The following LIPC variants were observed in gnomAD, a reference collection of about 807,000 sequenced individuals.
The protein encoded by LIPC is hepatic triacylglycerol lipase.
LIPC carries 44 observed loss-of-function variants against 50.7 expected under a neutral mutation model. The ratio of observed to expected loss-of-function variants is 0.87; its 90% CI spans 0.68 to 1.11. LIPC has a LOEUF of 1.11. LIPC is among the 50% of genes most tolerant of loss of function. LIPC has a pLI of 0.00. For missense variants in LIPC, 697 were observed against 648.2 expected (o/e 1.08, Z -0.82); for synonymous variants, 271 against 256.4 (o/e 1.06, Z -0.54).
intron 1 of LIPC, among the ~76,000 whole-genome samples, chr15:58,466,857 C>T (rs751866301): frequency 1.3e-5 from 2 of 152,152 alleles, no homozygotes; most frequent in African/African-American, 2.4e-5. Flanking sequence ...GTAATCACTT[C>T]GTAAAGTTGA....
rs529192472 is a variant in LIPC at position 58,448,701 on chromosome 15, T to C, written c.88+16581T>C. ...ACGCCCAGCAACCCTCAAAGGAAAA[T>C]GCTAGTATTGTCCCCATTTTAAAAA... On this transcript the variant is annotated intron_variant, in intron 1 of 8. Transcript: ENST00000299022. 5.3e-5 allele frequency among the ~76,000 whole-genome samples: 8 copies of C among 152,282 alleles called. No homozygotes were observed. In the East Asian group the frequency reaches 1.5e-3, roughly 29 times the overall value.
chr15:58,463,158 G>A (rs527831917), intron 1 of LIPC, among the ~76,000 whole-genome samples: 22 of 152,358 alleles, frequency 1.4e-4, no homozygotes, highest in African/African-American at 5.1e-4. Flanking sequence ...ACACCTGCAC[G>A]TTGGGATGGT....
chr15:58,543,830 C>T lies in LIPC; in HGVS notation c.574+1179C>T, dbSNP rs1044357555. Among the ~76,000 whole-genome samples, 3 of 152,098 alleles carry T rather than the reference C, an allele frequency of 2.0e-5. No individual in the cohort carries two copies. The East Asian group carries it at 5.8e-4, about 29-fold the overall frequency. On this transcript the variant is annotated intron_variant, in intron 4 of 8. Transcript: ENST00000299022. The stretch of plus-strand genomic sequence containing the variant: ...AGATACGGGGTTTCACCATATTGGT[C>T]AGGCTGGTCTCGAACTCCCAACCTC...
chr15:58,478,389 C>T (rs1891071755), intron 1 of LIPC, among the ~76,000 whole-genome samples: 2 of 152,124 alleles, frequency 1.3e-5, no homozygotes, highest in South Asian at 4.1e-4. Flanking sequence ...CAGGCGCACA[C>T]CACCATACCT....
intron 1 of LIPC, among the ~76,000 whole-genome samples, chr15:58,471,847 C>T (rs955238416): frequency 6.6e-6 from 1 of 152,226 alleles, no homozygotes; most frequent in Non-Finnish European, 1.5e-5. Context: ...AGTCCAGCCA[C>T]GTGCCCTTTC....
In LIPC at chr15:58,516,237, CTTTTTTTTTTT is replaced by C. The variant is rs11351202; in HGVS notation, c.89-22081_89-22071del. On this transcript the variant is annotated intron_variant, in intron 1 of 8. Transcript: ENST00000299022. ...CAGTTTGACTTTTTACCTCTAGCTTCTTTTTTTTTTTTTTTTTTTTTTTTTGGTCACTGGTT... is the reference window on the plus strand; with the variant it reads ...CAGTTTGACTTTTTACCTCTAGCTTCTTTTTTTTTTTTTTGGTCACTGGTT... 6.5e-3 allele frequency among the ~76,000 whole-genome samples: 294 copies of C among 45,214 alleles called. 2 individuals are homozygous for C. The highest frequency in any genetic ancestry group is 0.035 in the Admixed American group (128 of 3,632). The allele number at this position is 45,214 out of a possible 152,430, so 29.7% of individuals were successfully genotyped here. A position where few individuals can be genotyped will look rare whatever the true frequency, so the allele number is the denominator to read the frequency against.
At chr15:58,444,071 T>C (rs1236847381) in intron 1 of LIPC, among the ~76,000 whole-genome samples, 1 of 152,190 alleles carries the variant, frequency 6.6e-6, no homozygotes, top group African/African-American at 2.4e-5. Context: ...TCACAGGGGC[T>C]ACGATGGCTC....
chr15:58,506,967 A>G lies in LIPC; in HGVS notation c.89-31366A>G, dbSNP rs28666382. On this transcript the variant is annotated intron_variant, in intron 1 of 8. Transcript: ENST00000299022. ...CATCCTTCCGCAAATGGTGGCAACA[A>G]GGAGAAATGCCCAGCGAAGGGGTAG... Among the ~76,000 whole-genome samples, 370 of 152,356 alleles carry G rather than the reference A, an allele frequency of 2.4e-3. 3 individuals carry two copies. The highest frequency in any genetic ancestry group is 8.3e-3 in the African/African-American group (344 of 41,588).
At chr15:58,565,205 G>T in intron 8 of LIPC, 1 of 1,535,728 alleles carries the variant, frequency 6.5e-7, no homozygotes, top group African/African-American at 1.4e-5. Context: ...AATCTGGGAA[G>T]ATTAAACTGC....
chr15:58,437,376 A>G (rs1214574411), intron 1 of LIPC, among the ~76,000 whole-genome samples: 1 of 152,144 alleles, frequency 6.6e-6, no homozygotes, highest in East Asian at 1.9e-4. Flanking sequence ...TTGTATATGC[A>G]ATAATGTAGG....
intron 8 of LIPC, 126 bp downstream of exon 8, chr15:58,563,849 G>C (rs1229260602): frequency 1.2e-6 from 1 of 829,940 alleles, no homozygotes; most frequent in Non-Finnish European, 2.0e-6. Flanking sequence ...ATGGAGTACA[G>C]AAGCTCAGAA....
At chr15:58,452,082 C>T (rs1345540346) in intron 1 of LIPC, among the ~76,000 whole-genome samples, 1 of 152,144 alleles carries the variant, frequency 6.6e-6, no homozygotes, top group East Asian at 1.9e-4. Context: ...ATGCTCGGGG[C>T]CCTATTTTCA....
chr15:58,521,839 G>C (rs1279719332), intron 1 of LIPC: 2 of 152,230 alleles, frequency 1.3e-5, no homozygotes, highest in African/African-American at 4.8e-5. Flanking sequence ...AAGAAGTCCA[G>C]GCATGGATGA....
chr15:58,465,223 C>T (rs1894507562), intron 1 of LIPC, among the ~76,000 whole-genome samples: 1 of 152,158 alleles, frequency 6.6e-6, no homozygotes, highest in African/African-American at 2.4e-5. Context: ...CCAATCAGAA[C>T]AACTCATTTC....
At chr15:58,493,115 C>T (rs1441202499) in intron 1 of LIPC, among the ~76,000 whole-genome samples, 1 of 152,116 alleles carries the variant, frequency 6.6e-6, no homozygotes, top group Non-Finnish European at 1.5e-5. Flanking sequence ...CACCCTGGCC[C>T]CCCATGGTAT....
chr15:58,473,325 G>A (rs1367724172), intron 1 of LIPC, among the ~76,000 whole-genome samples: 3 of 152,182 alleles, frequency 2.0e-5, no homozygotes, highest in South Asian at 2.1e-4. Context: ...TGCCATTTCC[G>A]AAAGGAAAAC....
intron 1 of LIPC, among the ~76,000 whole-genome samples, chr15:58,503,422 C>T (rs527642389): frequency 3.9e-5 from 6 of 152,238 alleles, no homozygotes; most frequent in African/African-American, 7.2e-5. Context: ...TTAGGGGCAG[C>T]GCCAGCCTCT....
chr15:58,432,751 C>G (rs145347914), intron 1 of LIPC, among the ~76,000 whole-genome samples: 352 of 152,236 alleles, frequency 2.3e-3, no homozygotes, highest in African/African-American at 8.1e-3. Context: ...AGAGTGGAGC[C>G]CAGCTTCCAG....
At chr15:58,559,394 C>T (rs761152667) in intron 6 of LIPC, among the ~76,000 whole-genome samples, 15 of 152,174 alleles carry the variant, frequency 9.9e-5, no homozygotes, top group African/African-American at 3.4e-4. Context: ...GTGGATTAAC[C>T]ATTGTCTAAA....
Sources: gnomAD v4.1 joint callset for allele counts (sites outside exome capture counted in the v4.1 genomes callset) on GRCh38, gnomAD v4.1.1 for gene constraint, MANE v1.5 for transcripts, NCBI Gene and HGNC (gene_info 2026-07-23, HGNC 2026-07-21) for gene names.